The following PRKCB variants were observed in gnomAD, a reference collection of about 807,000 sequenced individuals.
PRKCB encodes the protein protein kinase C beta.
Under a neutral mutation model 81.5 loss-of-function variants are expected in PRKCB, and 13 were observed. That is an observed-to-expected ratio of 0.16 (90% CI 0.10 to 0.25). The LOEUF (loss-of-function observed/expected upper bound fraction) is 0.25, where lower values mean the gene tolerates loss of function less well. Ranked by LOEUF, PRKCB falls within the 10% of genes least tolerant of loss-of-function variation. The pLI is 1.00. For missense variants in PRKCB, 509 were observed against 875.7 expected, an observed-to-expected ratio of 0.58 and a Z score of 5.29; for synonymous variants, 335 against 321.4, an observed-to-expected ratio of 1.04 and a Z score of -0.45.
chr16:24,203,764 A>G (rs1027504540), intron 16 of PRKCB, among the ~76,000 whole-genome samples: 16 of 152,202 alleles, frequency 1.1e-4, no homozygotes, highest in Admixed American at 2.6e-4. Context: ...CATATGGAAA[A>G]CAGCACAGAG....
intron 2 of PRKCB, among the ~76,000 whole-genome samples, chr16:23,946,833 T>C (rs1441205437): frequency 6.7e-6 from 1 of 149,028 alleles, no homozygotes; most frequent in Admixed American, 6.8e-5. Context: ...AGATCACACG[T>C]TTTCTTTCAT....
chr16:23,932,471 G>A (rs1376948833), intron 2 of PRKCB, among the ~76,000 whole-genome samples: 1 of 152,150 alleles, frequency 6.6e-6, no homozygotes, highest in African/African-American at 2.4e-5. Context: ...TAGCACCTAT[G>A]TTCGAACAAT....
At chr16:23,965,698 C>T (rs1277833986) in intron 2 of PRKCB, among the ~76,000 whole-genome samples, 1 of 152,170 alleles carries the variant, frequency 6.6e-6, no homozygotes, top group Non-Finnish European at 1.5e-5. Context: ...CTGAAGTCAT[C>T]TGTGTATTTT....
chr16:23,876,033 G>A (rs562004454), intron 2 of PRKCB, among the ~76,000 whole-genome samples: 10 of 152,254 alleles, frequency 6.6e-5, no homozygotes, highest in South Asian at 2.1e-4. Context: ...CCCCATAGGC[G>A]TTTATGTTTG....
At chr16:23,870,747 C>A (rs1227019538) in intron 2 of PRKCB, among the ~76,000 whole-genome samples, 5 of 152,226 alleles carry the variant, frequency 3.3e-5, no homozygotes, top group Non-Finnish European at 5.9e-5. Context: ...TGTTCCCACA[C>A]TTTCTCAGGC....
At chr16:24,182,356 C>CA (rs900358058) in intron 13 of PRKCB, among the ~76,000 whole-genome samples, 10 of 151,688 alleles carry the variant, frequency 6.6e-5, no homozygotes, top group African/African-American at 2.2e-4. Context: ...CTAATCTCTA[C>CA]AAAAAAAATT....
At chr16:24,067,058 C>T (rs1339515057) in intron 5 of PRKCB, among the ~76,000 whole-genome samples, 4 of 151,890 alleles carry the variant, frequency 2.6e-5, no homozygotes, top group Admixed American at 2.0e-4. Flanking sequence ...GCTGTGTTGC[C>T]CCAGGCTGGT....
At chr16:23,912,501 T>TTTC (rs1236513611) in intron 2 of PRKCB, among the ~76,000 whole-genome samples, 19 of 101,346 alleles carry the variant, frequency 1.9e-4, no homozygotes, top group African/African-American at 4.7e-4. Flanking sequence ...CCTTTCTTTC[T>TTTC]TTCTTCTTTT....
intron 2 of PRKCB, among the ~76,000 whole-genome samples, chr16:23,932,817 G>A (rs568670142): frequency 9.9e-5 from 15 of 152,264 alleles, no homozygotes; most frequent in Non-Finnish European, 1.5e-4. Context: ...TCCTTTGCTT[G>A]AACTGGGGGC....
chr16:24,019,935 G>C (rs1284548912), intron 3 of PRKCB, among the ~76,000 whole-genome samples: 1 of 152,116 alleles, frequency 6.6e-6, no homozygotes, highest in Admixed American at 6.6e-5. Flanking sequence ...CCTAAACAGG[G>C]CTTCAGTGAA....
At chr16:24,185,643 C>A (rs144657548) in intron 15 of PRKCB, 76 bp downstream of exon 15, 3 of 1,243,052 alleles carry the variant, frequency 2.4e-6, no homozygotes, top group African/African-American at 1.5e-5. Flanking sequence ...CAAGAACACC[C>A]CACCAGGGGG....
intron 7 of PRKCB, among the ~76,000 whole-genome samples, chr16:24,107,335 T>C (rs549360826): frequency 6.1e-4 from 93 of 152,342 alleles, no homozygotes; most frequent in African/African-American, 2.2e-3. Context: ...TTTTCACACA[T>C]CCTATTGTGC....
intron 16 of PRKCB, among the ~76,000 whole-genome samples, chr16:24,199,898 G>T (rs535230440): frequency 2.0e-5 from 3 of 152,178 alleles, no homozygotes; most frequent in Non-Finnish European, 4.4e-5. Flanking sequence ...AGCACTTGGA[G>T]CCCCTGGTAA....
At chr16:23,871,467 T>C (rs1225965658) in intron 2 of PRKCB, among the ~76,000 whole-genome samples, 1 of 152,252 alleles carries the variant, frequency 6.6e-6, no homozygotes, top group Non-Finnish European at 1.5e-5. Context: ...CCCAGGATCA[T>C]GGCATTAGTC....
chr16:24,092,365 A>C (rs1005485451), intron 5 of PRKCB, among the ~76,000 whole-genome samples: 1 of 152,238 alleles, frequency 6.6e-6, no homozygotes, highest in East Asian at 1.9e-4. Flanking sequence ...CTATGCATCA[A>C]CTGCTGAATG....
Position 23,933,809 on chromosome 16 carries a change from CCCAT to C in PRKCB, c.206-54689_206-54686del, listed in dbSNP as rs1964016031. Among the ~76,000 whole-genome samples, 3 of 70,398 alleles carry C rather than the reference CCCAT, an allele frequency of 4.3e-5. No individual in the cohort carries two copies. The Admixed American group carries it at 4.6e-4, about 11-fold the overall frequency. 46.2% of individuals were successfully genotyped at this position (70,398 alleles called of 152,430 possible). On this transcript the variant is annotated intron_variant, in intron 2 of 16. Coordinates refer to ENST00000643927, the MANE Select transcript of PRKCB (RefSeq NM_002738.7). ...ATCCATCCATCCATCCATCCATCCA[CCCAT>C]CCATCCATCTTCTGTTTGTCGATTT...
intron 10 of PRKCB, among the ~76,000 whole-genome samples, chr16:24,168,934 C>T (rs1001688683): frequency 6.6e-6 from 1 of 151,848 alleles, no homozygotes; most frequent in Non-Finnish European, 1.5e-5. Context: ...AAGTGAGATA[C>T]AACTTGAGTT....
chr16:23,961,082 T>G (rs1009294794), intron 2 of PRKCB, among the ~76,000 whole-genome samples: 1 of 152,214 alleles, frequency 6.6e-6, no homozygotes, highest in Non-Finnish European at 1.5e-5. Flanking sequence ...TTTGCTTATT[T>G]TTTTTTTTAA....
chr16:23,898,309 C>T (rs144251681), intron 2 of PRKCB, among the ~76,000 whole-genome samples: 32 of 152,178 alleles, frequency 2.1e-4, no homozygotes, highest in African/African-American at 7.5e-4. Context: ...TCCAGTGATC[C>T]GCCCATCTCG....
Sources: gnomAD v4.1 joint callset for allele counts (sites outside exome capture counted in the v4.1 genomes callset) on GRCh38, gnomAD v4.1.1 for gene constraint, MANE v1.5 for transcripts, NCBI Gene and HGNC (gene_info 2026-07-23, HGNC 2026-07-21) for gene names.